GDA: variants seen among roughly 807,000 people sequenced by gnomAD.
GDA encodes the protein cytoplasmic PSD-95 interactor.
A neutral mutation model predicts 59.6 loss-of-function variants in GDA; 18 were observed. The observed-to-expected ratio is 0.30, with a 90% CI of 0.21 to 0.45. GDA has a LOEUF of 0.45. Among genes scored for constraint, GDA ranks in the 20% least tolerant of loss-of-function variants. GDA has a pLI of 1.00. For synonymous variants in GDA, 201 were observed against 201.1 expected (o/e 1.00, Z 0.00); for missense variants, 427 against 552.3 (o/e 0.77, Z 2.27).
At chr9:72,222,506 T>C (rs1837018763) in intron 6 of GDA, among the ~76,000 whole-genome samples, 1 of 152,254 alleles carries the variant, frequency 6.6e-6, no homozygotes, top group Non-Finnish European at 1.5e-5. Context: ...TCTCCCATTC[T>C]GTTGGTTGTC....
chr9:72,136,520 T>C (rs1452046586), intron 1 of GDA, among the ~76,000 whole-genome samples: 1 of 152,170 alleles, frequency 6.6e-6, no homozygotes, highest in South Asian at 2.1e-4. Flanking sequence ...AATAGTAGAA[T>C]GATGAATCTG....
chr9:72,250,605 C>A lies in GDA; in HGVS notation c.*2263C>A. The A allele has an allele frequency of 6.5e-7, 1 of 1,547,704 alleles. No homozygotes were observed. On this transcript the variant is annotated 3_prime_UTR_variant, in exon 14 of 14. Coordinates refer to ENST00000358399, the MANE Select transcript of GDA (RefSeq NM_004293.5). The stretch of plus-strand genomic sequence containing the variant: ...TATGCTTTTTTTTCTGTACCACAGG[C>A]ATTATCTATACCTGGGGCCAGATTT...
chr9:72,148,450 A>G (rs1358343073), upstream of GDA, among the ~76,000 whole-genome samples: 5 of 152,188 alleles, frequency 3.3e-5, no homozygotes, highest in African/African-American at 1.2e-4. Context: ...TTAGTGGAGT[A>G]GAAACTGCTG....
intron 9 of GDA, 99 bp downstream of exon 9, chr9:72,228,139 C>T: frequency 2.7e-6 from 2 of 729,874 alleles, no homozygotes; most frequent in Non-Finnish European, 4.9e-6. Flanking sequence ...AGGATCTCCC[C>T]TCTATTCTGT....
intron 1 of GDA, among the ~76,000 whole-genome samples, chr9:72,134,397 C>G (rs1162506129): frequency 9.7e-6 from 1 of 103,294 alleles, no homozygotes; most frequent in Non-Finnish European, 2.4e-5. Flanking sequence ...AGGCCTCCCC[C>G]GCCAACTTTT....
rs186784906 is a variant in GDA at position 72,247,557 on chromosome 9, T to C, written c.1294+124T>C. 2.2e-4 allele frequency: 138 copies of C among 631,948 alleles called. 1 individual carries two copies. The African/African-American group carries it at 2.3e-3, about 10-fold the overall frequency. 39.1% of individuals were successfully genotyped at this position (631,948 alleles called of 1,614,324 possible). A position where few individuals can be genotyped will look rare whatever the true frequency, so the allele number is the denominator to read the frequency against. On this transcript the variant is annotated intron_variant, in intron 13 of 13. Coordinates refer to ENST00000358399, the MANE Select transcript of GDA (RefSeq NM_004293.5). ...CTCTGTGGATGATAATTTGCTTTGA[T>C]TCATTATTTTTTTAACAGTCTGAAG...
chr9:72,181,387 G>A (rs1463780785), intron 1 of GDA, among the ~76,000 whole-genome samples: 2 of 151,968 alleles, frequency 1.3e-5, no homozygotes, highest in Non-Finnish European at 2.9e-5. Flanking sequence ...GTGCAGTGGC[G>A]CGATCTTGGC....
chr9:72,232,152 A>T (rs1297627912), intron 10 of GDA, among the ~76,000 whole-genome samples: 2 of 152,162 alleles, frequency 1.3e-5, no homozygotes, highest in South Asian at 2.1e-4. Context: ...TGAATTAAAA[A>T]TTTTTTTAAT....
At chr9:72,236,755 C>A (rs11143189) in intron 10 of GDA, among the ~76,000 whole-genome samples, 3,655 of 147,714 alleles carry the variant, frequency 0.025, 62 homozygotes, top group Non-Finnish European at 0.039. Flanking sequence ...TTCTTTTAAG[C>A]AAAGAAACAA....
chr9:72,237,030 T>A (rs1156365617), intron 10 of GDA, among the ~76,000 whole-genome samples: 1 of 152,148 alleles, frequency 6.6e-6, no homozygotes, highest in Admixed American at 6.5e-5. Context: ...TCCACCTGCC[T>A]TGGCCTCCCA....
intron 1 of GDA, among the ~76,000 whole-genome samples, chr9:72,166,559 TACTC>T (rs1292434103): frequency 6.6e-6 from 1 of 152,200 alleles, no homozygotes; most frequent in South Asian, 2.1e-4. Flanking sequence ...AAATAATAAA[TACTC>T]AAGATGAGGG....
intron 1 of GDA, among the ~76,000 whole-genome samples, chr9:72,177,701 A>T (rs888404819): frequency 6.6e-6 from 1 of 152,212 alleles, no homozygotes; most frequent in Non-Finnish European, 1.5e-5. Context: ...TGCTTTTAAA[A>T]TTTGTATCAG....
intron 4 of GDA, among the ~76,000 whole-genome samples, chr9:72,213,344 G>C (rs1835630659): frequency 6.6e-6 from 1 of 152,102 alleles, no homozygotes; most frequent in Admixed American, 6.5e-5. Flanking sequence ...GGGAGGTAGT[G>C]GGTTAAAGTG....
chr9:72,250,356 T>C lies in GDA; in HGVS notation c.*2014T>C. On this transcript the variant is annotated 3_prime_UTR_variant, in exon 14 of 14. Coordinates refer to ENST00000358399, the MANE Select transcript of GDA (RefSeq NM_004293.5). Reference sequence around the variant, plus strand: ...AGTTTTCATGTAGACTTAGGACTCATGTGCAGTAAATATAAATAAGTGTAG... The same window carrying C: ...AGTTTTCATGTAGACTTAGGACTCACGTGCAGTAAATATAAATAAGTGTAG... The C allele has an allele frequency of 2.8e-6, 3 of 1,086,962 alleles. No individual in the cohort carries two copies. The highest frequency in any genetic ancestry group is 3.4e-6 in the Non-Finnish European group (3 of 892,984). 67.3% of individuals were successfully genotyped at this position (1,086,962 alleles called of 1,614,324 possible). A position where few individuals can be genotyped will look rare whatever the true frequency, so the allele number is the denominator to read the frequency against.
chr9:72,208,144 T>C (rs1834947866), intron 3 of GDA, among the ~76,000 whole-genome samples: 2 of 152,116 alleles, frequency 1.3e-5, no homozygotes, highest in Admixed American at 1.3e-4. Flanking sequence ...TGGAACACAC[T>C]GGATCTAATT....
At chr9:72,138,836 G>T (rs1467791498) in intron 1 of GDA, among the ~76,000 whole-genome samples, 3 of 152,210 alleles carry the variant, frequency 2.0e-5, no homozygotes, top group Non-Finnish European at 4.4e-5. Flanking sequence ...AAATGAATGA[G>T]AAAGTAAGAG....
At chr9:72,252,496 T>A (rs1840769438), downstream of GDA, among the ~76,000 whole-genome samples, 1 of 152,170 alleles carries the variant, frequency 6.6e-6, no homozygotes, top group African/African-American at 2.4e-5. Flanking sequence ...TTTAAGACAT[T>A]ACCCAGAGTG....
At chr9:72,208,040 T>G (rs1834932545) in intron 3 of GDA, among the ~76,000 whole-genome samples, 1 of 152,134 alleles carries the variant, frequency 6.6e-6, no homozygotes, top group Non-Finnish European at 1.5e-5. Flanking sequence ...AATTCAAGGT[T>G]ACAGTGAGCT....
At chr9:72,219,273 G>A (rs1836540583) in intron 5 of GDA, among the ~76,000 whole-genome samples, 1 of 151,764 alleles carries the variant, frequency 6.6e-6, no homozygotes, top group Non-Finnish European at 1.5e-5. Flanking sequence ...CGTGGTGGCG[G>A]GTGCCTGTAG....
Sources: gnomAD v4.1 joint callset for allele counts (sites outside exome capture counted in the v4.1 genomes callset) on GRCh38, gnomAD v4.1.1 for gene constraint, MANE v1.5 for transcripts, NCBI Gene and HGNC (gene_info 2026-07-23, HGNC 2026-07-21) for gene names.